Variants in TENT4B observed in about 807,000 individuals in gnomAD.
The protein encoded by TENT4B is PAP associated domain containing 5.
In TENT4B, 10 loss-of-function variants were observed where a neutral mutation model predicts 75.0. The ratio of observed to expected loss-of-function variants is 0.13; its 90% CI spans 0.08 to 0.23. The LOEUF (loss-of-function observed/expected upper bound fraction) is 0.23. Among genes scored for constraint, TENT4B ranks in the 10% least tolerant of loss-of-function variants. The pLI is 1.00. For missense variants in TENT4B, 579 were observed against 893.8 expected (o/e 0.65, Z 4.49); for synonymous variants, 350 against 357.7 (o/e 0.98, Z 0.24).
At position 50,232,417 on chromosome 16, in the gene TENT4B, C is replaced by T. The variant is rs1237189771; in HGVS notation, c.*3089C>T. The T allele has an allele frequency of 1.0e-6, 1 of 985,160 alleles. No homozygotes were observed. Among genetic ancestry groups the T allele is most frequent in the Non-Finnish European group, 1.2e-6 (1 of 829,924 alleles). The allele number at this position is 985,160 out of a possible 1,614,324, so 61.0% of individuals were successfully genotyped here. A position where few individuals can be genotyped will look rare whatever the true frequency, so the allele number is the denominator to read the frequency against. Reference sequence around the variant, plus strand: ...TTAATATTTAGGTTATTTGATTTGGCTCCAGATATTCCTAGATCTGCACAG... The same window carrying T: ...TTAATATTTAGGTTATTTGATTTGGTTCCAGATATTCCTAGATCTGCACAG... On this transcript the variant is annotated 3_prime_UTR_variant, in exon 12 of 12. Transcript: ENST00000561678.
intron 1 of TENT4B, among the ~76,000 whole-genome samples, chr16:50,199,983 T>G (rs2030530635): frequency 6.6e-6 from 1 of 152,162 alleles, no homozygotes; most frequent in South Asian, 2.1e-4. Context: ...GTAGGTTTTT[T>G]TGTGTGTGGA....
At chr16:50,155,272 G>GGGGGGT (rs377547594) in intron 1 of TENT4B, among the ~76,000 whole-genome samples, 7 of 135,372 alleles carry the variant, frequency 5.2e-5, no homozygotes, top group African/African-American at 2.0e-4. Context: ...GGGTCTCGTG[G>GGGGGGT]GTGTGTGTGT....
intron 1 of TENT4B, among the ~76,000 whole-genome samples, chr16:50,171,583 CATATACGGT>C (rs1449400411): frequency 9.6e-5 from 2 of 20,878 alleles, no homozygotes; most frequent in Non-Finnish European, 5.2e-4. Flanking sequence ...TTGCCCAAGG[CATATACGGT>C]TGATATTTGT....
chr16:50,189,574 C>T (rs2150707165), intron 1 of TENT4B, among the ~76,000 whole-genome samples: 1 of 152,258 alleles, frequency 6.6e-6, no homozygotes, highest in Admixed American at 6.5e-5. Flanking sequence ...AATGTCCCAG[C>T]ATGTGGTGCA....
chr16:50,211,294 C>T (rs754779703), intron 1 of TENT4B, 29 bp from the exon 2 acceptor site: 2 of 1,587,558 alleles, frequency 1.3e-6, no homozygotes, highest in East Asian at 2.3e-5. Context: ...TGGCCCTGTT[C>T]ATATTAACTT....
At chr16:50,157,124 A>G (rs2037916490) in intron 1 of TENT4B, among the ~76,000 whole-genome samples, 1 of 152,206 alleles carries the variant, frequency 6.6e-6, no homozygotes, top group Non-Finnish European at 1.5e-5. Context: ...TAGTTAGCTA[A>G]TAGGTTAACA....
At position 50,234,652 on chromosome 16, in the gene TENT4B, G is replaced by A. The variant is rs959718111; in HGVS notation, c.*5324G>A. 1.0e-6 allele frequency: 1 copy of A among 985,188 alleles called. No individual in the cohort carries two copies. The highest frequency in any genetic ancestry group is 1.7e-5 in the African/African-American group (1 of 57,208). 61.0% of individuals were successfully genotyped at this position (985,188 alleles called of 1,614,324 possible). A position where few individuals can be genotyped will look rare whatever the true frequency, so the allele number is the denominator to read the frequency against. On this transcript the variant is annotated 3_prime_UTR_variant, in exon 12 of 12. Coordinates refer to ENST00000561678, the MANE Select transcript of TENT4B (RefSeq NM_001365324.3). ...AGAAGTCACTTTAAAAAAGTCTTTT[G>A]AAAGTCCTACAATCCTAAAATAAAT...
chr16:50,158,406 T>C (rs1355743340), intron 1 of TENT4B, among the ~76,000 whole-genome samples: 1 of 152,216 alleles, frequency 6.6e-6, no homozygotes, highest in Non-Finnish European at 1.5e-5. Context: ...ATGTTTTAAG[T>C]TGCTTCCACT....
chr16:50,175,563 C>T (rs1189608070), intron 1 of TENT4B, among the ~76,000 whole-genome samples: 2 of 152,050 alleles, frequency 1.3e-5, no homozygotes, highest in Non-Finnish European at 2.9e-5. Context: ...CGGCTCACTG[C>T]AACCTCTGAC....
intron 1 of TENT4B, among the ~76,000 whole-genome samples, chr16:50,182,732 GAA>G (rs1304809940): frequency 6.6e-6 from 1 of 151,738 alleles, no homozygotes; most frequent in Non-Finnish European, 1.5e-5. Context: ...CTTCTTTCCT[GAA>G]AAGTTATTTA....
intron 1 of TENT4B, among the ~76,000 whole-genome samples, chr16:50,157,879 C>G (rs1397512803): frequency 6.6e-6 from 1 of 152,180 alleles, no homozygotes; most frequent in Admixed American, 6.5e-5. Context: ...GAACTTCCCA[C>G]CTCAGCCTCC....
chr16:50,175,926 G>C (rs1362289410), intron 1 of TENT4B, among the ~76,000 whole-genome samples: 2 of 151,802 alleles, frequency 1.3e-5, no homozygotes, highest in Non-Finnish European at 2.9e-5. Context: ...GGGACTACAG[G>C]TGAGCACCAC....
rs1319438193 is a variant in TENT4B at position 50,189,451 on chromosome 16, G to GT, written c.639-21866dup. Among the ~76,000 whole-genome samples, 3 of 152,072 alleles carry GT rather than the reference G, an allele frequency of 2.0e-5. No homozygotes were observed. In the East Asian group the frequency reaches 5.8e-4, roughly 29 times the overall value. ...GCACTTGTTTCTACTTTTTCCTAAT[G>GT]TTTTTTGAGGAAAGAACCTCCAACT... On this transcript the variant is annotated intron_variant, in intron 1 of 11. Transcript: ENST00000561678.
intron 1 of TENT4B, among the ~76,000 whole-genome samples, chr16:50,191,995 T>G (rs1400853784): frequency 6.6e-6 from 1 of 151,190 alleles, no homozygotes; most frequent in African/African-American, 2.4e-5. Context: ...GTAATCCCAG[T>G]GCTTTGAGAG....
Position 50,233,686 on chromosome 16 carries a change from T to G in TENT4B, c.*4358T>G, listed in dbSNP as rs200832840. The G allele has an allele frequency of 2.1e-6, 2 of 936,736 alleles. No individual in the cohort carries two copies. Among genetic ancestry groups the G allele is most frequent in the Non-Finnish European group, 2.5e-6 (2 of 803,600 alleles). 58.0% of individuals were successfully genotyped at this position (936,736 alleles called of 1,614,324 possible). On this transcript the variant is annotated 3_prime_UTR_variant, in exon 12 of 12. Transcript: ENST00000561678. ...ATTTTACTGTCTCTCAGGTTTTTGG[T>G]TTTTTTAAAAAAAATGTGTTTGGCC...
chr16:50,172,143 A>C (rs1254589103), intron 1 of TENT4B, among the ~76,000 whole-genome samples: 3 of 152,202 alleles, frequency 2.0e-5, no homozygotes, highest in African/African-American at 7.2e-5. Flanking sequence ...TGAAGCCAGG[A>C]GTTTGAGACC....
intron 5 of TENT4B, among the ~76,000 whole-genome samples, chr16:50,218,335 CT>C (rs1005516533): frequency 1.3e-4 from 19 of 147,056 alleles, no homozygotes; most frequent in Non-Finnish European, 2.3e-4. Flanking sequence ...GTGAGCTGCA[CT>C]TTTTTTTTTT....
chr16:50,219,700 C>T (rs539432468), intron 5 of TENT4B, among the ~76,000 whole-genome samples: 1 of 149,186 alleles, frequency 6.7e-6, no homozygotes, highest in Non-Finnish European at 1.5e-5. Context: ...CTCCCTCCCC[C>T]TCTTCCTCTA....
intron 1 of TENT4B, among the ~76,000 whole-genome samples, chr16:50,162,475 T>C (rs1449326163): frequency 1.3e-5 from 2 of 152,220 alleles, no homozygotes; most frequent in African/African-American, 2.4e-5. Flanking sequence ...TAGCATTTAG[T>C]GTTACCACTT....
Sources: gnomAD v4.1 joint callset for allele counts (sites outside exome capture counted in the v4.1 genomes callset) on GRCh38, gnomAD v4.1.1 for gene constraint, MANE v1.5 for transcripts, NCBI Gene and HGNC (gene_info 2026-07-23, HGNC 2026-07-21) for gene names.